TNS3: variants seen among roughly 807,000 people sequenced by gnomAD.
TNS3 encodes tensin 3.
In TNS3, 45 loss-of-function variants were observed where a neutral mutation model predicts 140.9. The observed-to-expected ratio is 0.32, with a 90% confidence interval of 0.25 to 0.41. The LOEUF (loss-of-function observed/expected upper bound fraction) is 0.41, where lower values mean the gene tolerates loss of function less well. TNS3 is among the 10% of genes least tolerant of loss of function. The probability of loss-of-function intolerance (pLI) is 1.00; values close to 1 mark genes in which losing one functional copy is unlikely to be tolerated. For synonymous variants in TNS3, 815 were observed against 788.4 expected (o/e 1.03, Z -0.56); for missense variants, 1,716 against 1,906.7 (o/e 0.90, Z 1.86).
intron 1 of TNS3, among the ~76,000 whole-genome samples, chr7:47,562,965 G>A (rs140208397): frequency 2.9e-3 from 446 of 152,312 alleles, no homozygotes; most frequent in African/African-American, 9.9e-3. Context: ...AACAACAACC[G>A]TTGGGAGCCA....
intron 17 of TNS3, among the ~76,000 whole-genome samples, chr7:47,357,763 G>T (rs751593963): frequency 6.6e-6 from 1 of 152,112 alleles, no homozygotes; most frequent in Non-Finnish European, 1.5e-5. Flanking sequence ...AGGCGGAAGG[G>T]GGGAATCCCA....
At chr7:47,509,948 G>T (rs1798549558) in intron 2 of TNS3, among the ~76,000 whole-genome samples, 1 of 152,190 alleles carries the variant, frequency 6.6e-6, no homozygotes, top group Non-Finnish European at 1.5e-5. Flanking sequence ...CATGACCAGG[G>T]TCTCACAATA....
rs773998967 is a variant in TNS3 at position 47,369,538 on chromosome 7, C to T, written c.1108G>A (p.Gly370Ser). ...KSSSDPGIPG[G>S]PQAIPATNSP... ...TTGGTGGCCGGGATTGCCTGGGGGC[C>T]ACCTGGGATGCCAGGATCCGAGGAG... The change falls in exon 17 of 31, where the codon GGC becomes AGC. Residue 370 changes from glycine (G) to serine (S), a missense_variant. Physicochemically the swap from Gly to Ser is moderately conservative, Grantham distance 56. Around this residue, in one of 3 missense-constraint regions of TNS3, gnomAD observed 1,163 missense variants for 1,182.1 expected, o/e 0.98. Transcript: ENST00000311160. 1.2e-6 allele frequency: 2 copies of T among 1,613,458 alleles called. No individual in the cohort carries two copies. Among genetic ancestry groups the T allele is most frequent in the East Asian group, 2.2e-5 (1 of 44,856 alleles).
intron 17 of TNS3, among the ~76,000 whole-genome samples, chr7:47,361,492 T>C (rs536451067): frequency 1.5e-4 from 23 of 152,272 alleles, no homozygotes; most frequent in Middle Eastern, 3.4e-3. Flanking sequence ...ACTCTGGAGT[T>C]GAAATGAGGT....
intron 2 of TNS3, among the ~76,000 whole-genome samples, chr7:47,524,536 C>T (rs1224707618): frequency 6.6e-6 from 1 of 151,966 alleles, no homozygotes; most frequent in African/African-American, 2.4e-5. Context: ...GGCGCGGTGG[C>T]TCACGCCTGT....
At chr7:47,483,391 G>A (rs1037260167) in intron 3 of TNS3, among the ~76,000 whole-genome samples, 1 of 152,006 alleles carries the variant, frequency 6.6e-6, no homozygotes, top group African/African-American at 2.4e-5. Flanking sequence ...GGATAGTCTC[G>A]ATCTCCTGAC....
At chr7:47,362,489 C>T (rs187615662) in intron 17 of TNS3, among the ~76,000 whole-genome samples, 16 of 152,252 alleles carry the variant, frequency 1.1e-4, no homozygotes, top group East Asian at 1.9e-4. Flanking sequence ...AAACATATGT[C>T]GAACTCTTCC....
At chr7:47,370,982 G>A (rs112110035) in intron 16 of TNS3, among the ~76,000 whole-genome samples, 2 of 152,294 alleles carry the variant, frequency 1.3e-5, no homozygotes, top group African/African-American at 4.8e-5. Context: ...GGGGTCCTGG[G>A]GTGTGGTGCT....
intron 1 of TNS3, among the ~76,000 whole-genome samples, chr7:47,573,038 G>A (rs565368764): frequency 6.6e-5 from 10 of 152,288 alleles, no homozygotes; most frequent in African/African-American, 2.2e-4. Context: ...CAAGGGTCAC[G>A]TGTGGCCCAG....
At chr7:47,540,065 G>A (rs928999797) in intron 1 of TNS3, among the ~76,000 whole-genome samples, 3 of 152,168 alleles carry the variant, frequency 2.0e-5, no homozygotes, top group Admixed American at 6.5e-5. Flanking sequence ...CTGCTGCCCA[G>A]CTTCCAATTT....
intron 20 of TNS3, among the ~76,000 whole-genome samples, chr7:47,311,160 T>A (rs1295120101): frequency 1.3e-5 from 2 of 152,214 alleles, no homozygotes; most frequent in Non-Finnish European, 1.5e-5. Context: ...TCCACAATGG[T>A]TGAACTAGTT....
chr7:47,555,925 C>T (rs78983105), intron 1 of TNS3, among the ~76,000 whole-genome samples: 1,870 of 152,314 alleles, frequency 0.012, 36 homozygotes, highest in African/African-American at 0.042. Flanking sequence ...TGCAGTATCT[C>T]CAAAGTAAGC....
At chr7:47,406,986 G>T (rs1358053805) in intron 13 of TNS3, among the ~76,000 whole-genome samples, 1 of 152,156 alleles carries the variant, frequency 6.6e-6, no homozygotes, top group Non-Finnish European at 1.5e-5. Flanking sequence ...TGCTGCTCCT[G>T]CCCTGCACAC....
intron 17 of TNS3, among the ~76,000 whole-genome samples, chr7:47,357,372 T>TTCA (rs1428095235): frequency 6.6e-6 from 1 of 152,114 alleles, no homozygotes; most frequent in Non-Finnish European, 1.5e-5. Context: ...GCCTCCAGAC[T>TTCA]TCAGCTCATT....
intron 17 of TNS3, among the ~76,000 whole-genome samples, chr7:47,363,027 C>CCAT (rs1348034103): frequency 0.01 from 1 of 100 alleles, no homozygotes; most frequent in African/African-American, 0.026. Flanking sequence ...AGGGTCATCA[C>CCAT]CATCACCATC....
intron 1 of TNS3, among the ~76,000 whole-genome samples, chr7:47,561,601 G>C (rs535893757): frequency 1.3e-5 from 2 of 152,224 alleles, no homozygotes; most frequent in East Asian, 3.9e-4. Flanking sequence ...TCATTCCTTA[G>C]GTGGGTTGCA....
At chr7:47,402,486 G>A (rs1156915654) in intron 13 of TNS3, among the ~76,000 whole-genome samples, 8 of 152,220 alleles carry the variant, frequency 5.3e-5, no homozygotes, top group Non-Finnish European at 1.2e-4. Context: ...GTCCGAGACT[G>A]ACTTCTCAGC....
chr7:47,343,304 C>T (rs1456677137), intron 20 of TNS3, among the ~76,000 whole-genome samples: 2 of 152,244 alleles, frequency 1.3e-5, no homozygotes, highest in Admixed American at 1.3e-4. Context: ...CTAGACCCTT[C>T]TGGAGTTTAG....
intron 2 of TNS3, among the ~76,000 whole-genome samples, chr7:47,519,930 T>C (rs1798912377): frequency 6.8e-6 from 1 of 147,154 alleles, no homozygotes; most frequent in South Asian, 2.3e-4. Context: ...TTCATGTCAT[T>C]CTCCTGCCTC....
Sources: gnomAD v4.1 joint callset for allele counts (sites outside exome capture counted in the v4.1 genomes callset) on GRCh38, gnomAD v4.1.1 for gene constraint, gnomAD v4.1.1 regional missense constraint, MANE v1.5 for transcripts, NCBI Gene and HGNC (gene_info 2026-07-23, HGNC 2026-07-21) for gene names.